Variants in PDCD11 observed in about 807,000 individuals in gnomAD.
PDCD11 encodes the protein programmed cell death 11.
In PDCD11, 97 loss-of-function variants were observed where a neutral mutation model predicts 198.9. The ratio of observed to expected loss-of-function variants is 0.49; its 90% confidence interval spans 0.41 to 0.58. The LOEUF (loss-of-function observed/expected upper bound fraction) is 0.58. Among genes scored for constraint, PDCD11 ranks in the 20% least tolerant of loss-of-function variants. PDCD11 has a pLI of 0.00. For missense variants in PDCD11, 2,102 were observed against 2,312.7 expected, an observed-to-expected ratio of 0.91 and a Z score of 1.87; for synonymous variants, 893 against 918.0, an observed-to-expected ratio of 0.97 and a Z score of 0.49.
rs765395705 is a variant in PDCD11 at position 103,439,802 on chromosome 10, C to G, written c.4082C>G (p.Pro1361Arg). The G allele has an allele frequency of 1.2e-6, 2 of 1,614,016 alleles. No homozygotes were observed. Among genetic ancestry groups the G allele is most frequent in the East Asian group, 2.2e-5 (1 of 44,888 alleles). ...TACTCCCATGTCTCCCAGCACAGCC[C>G]GTCCAAGAAAGCCCTTTATAACAAA... ...ARYSHVSQHS[P>R]SKKALYNKHL... Residue 1361 changes from proline to arginine, a missense_variant, in exon 28 of 36, where the codon CCG becomes CGG. Pro to Arg is a moderately radical substitution (Grantham distance 103). Coordinates refer to ENST00000369797, the MANE Select transcript of PDCD11 (RefSeq NM_014976.2).
At chr10:103,419,953 C>CTTTTT (rs35847749) in intron 16 of PDCD11, among the ~76,000 whole-genome samples, 8 of 97,366 alleles carry the variant, frequency 8.2e-5, no homozygotes, top group Admixed American at 1.2e-4. Context: ...ACATGCCAGG[C>CTTTTT]TTTTTTTTTT....
At chr10:103,408,012 C>T (rs866609879) in intron 7 of PDCD11, among the ~76,000 whole-genome samples, 9 of 152,286 alleles carry the variant, frequency 5.9e-5, no homozygotes, top group Middle Eastern at 6.8e-3. Flanking sequence ...AGCCACCACA[C>T]CTGGCCTACT....
chr10:103,432,715 T>G (rs575438693), intron 22 of PDCD11, among the ~76,000 whole-genome samples: 36 of 152,240 alleles, frequency 2.4e-4, no homozygotes, highest in African/African-American at 8.4e-4. Flanking sequence ...ATAATACCTC[T>G]CCATTGTTGC....
At chr10:103,396,971 A>G (rs140032913) in intron 1 of PDCD11, among the ~76,000 whole-genome samples, 176 of 152,230 alleles carry the variant, frequency 1.2e-3, no homozygotes, top group Middle Eastern at 3.4e-3. Flanking sequence ...CCTTGCTTGA[A>G]AGGAAATTAA....
chr10:103,440,052 T>C (rs1246078055), intron 28 of PDCD11, among the ~76,000 whole-genome samples, 184 bp downstream of exon 28: 2 of 152,220 alleles, frequency 1.3e-5, no homozygotes, highest in East Asian at 1.9e-4. Context: ...TGGTAACTTA[T>C]CTCTGCATAG....
chr10:103,405,409 C>CTTTT (rs11403520), intron 5 of PDCD11: 6 of 291,532 alleles, frequency 2.1e-5, no homozygotes, highest in East Asian at 7.4e-5. Flanking sequence ...GTCCAAATTT[C>CTTTT]TTTTTTTTTT....
At position 103,441,924 on chromosome 10, in the gene PDCD11, T is replaced by A; in HGVS notation, c.4656T>A (p.Pro1552=). ...GLDSLTPALP[P]LAESSDSEED... is the part of the protein sequence containing the mutation. ...ACTCTCTGACCCCGGCCTTGCCACCTCTAGCAGAGAGCTCAGACAGCGAGG... is the reference window on the plus strand; with the variant it reads ...ACTCTCTGACCCCGGCCTTGCCACCACTAGCAGAGAGCTCAGACAGCGAGG... The change falls in exon 31 of 36, where the codon CCT becomes CCA. Residue 1552 remains proline (P), a synonymous_variant. Transcript: ENST00000369797. 1 of 1,614,228 alleles carries A rather than the reference T, an allele frequency of 6.2e-7. No homozygotes were observed. Among genetic ancestry groups the A allele is most frequent in the African/African-American group, 1.3e-5 (1 of 75,052 alleles).
intron 9 of PDCD11, 40 bp downstream of exon 9, chr10:103,413,362 G>T: frequency 1.3e-6 from 2 of 1,537,082 alleles, no homozygotes; most frequent in South Asian, 1.1e-5. Context: ...TCTTATCACT[G>T]GAAGGACTTC....
intron 20 of PDCD11, 41 bp from the exon 21 acceptor site, chr10:103,427,288 C>T (rs919629472): frequency 6.4e-7 from 1 of 1,556,118 alleles, no homozygotes; most frequent in Admixed American, 1.7e-5. Flanking sequence ...TACTGTGTTA[C>T]AGAGATGAAG....
intron 16 of PDCD11, among the ~76,000 whole-genome samples, chr10:103,420,680 C>T (rs772670417): frequency 6.6e-6 from 1 of 152,132 alleles, no homozygotes; most frequent in Non-Finnish European, 1.5e-5. Flanking sequence ...ATTTGCATCC[C>T]CTGCCAGAAA....
intron 11 of PDCD11, 147 bp downstream of exon 11, chr10:103,414,477 T>C (rs2030990401): frequency 1.6e-6 from 1 of 626,770 alleles, no homozygotes; most frequent in Admixed American, 3.0e-5. Flanking sequence ...AATTTCTTTC[T>C]CTTTCTTTGG....
At chr10:103,418,350 A>G in intron 14 of PDCD11, 90 bp from the exon 15 acceptor site, 1 of 1,018,694 alleles carries the variant, frequency 9.8e-7, no homozygotes, top group Non-Finnish European at 1.5e-6. Context: ...TTGGTGCCGG[A>G]GTTTAATGCC....
rs761116065 is a variant in PDCD11, at chr10:103,427,411, C to T, written c.3368+20C>T. ...GCCAAGGTGAGGGGGACATTAGCAG[C>T]ACTGTCTTACGGAAAGAGCACTGGG... On this transcript the variant is annotated intron_variant, in intron 21 of 35. Transcript: ENST00000369797. 1 of 1,596,478 alleles carries T rather than the reference C, an allele frequency of 6.3e-7. No homozygotes were observed. The highest frequency in any genetic ancestry group is 8.6e-7 in the Non-Finnish European group (1 of 1,168,244).
chr10:103,404,968 T>C, intron 4 of PDCD11, 54 bp from the exon 5 acceptor site: 1 of 1,549,592 alleles, frequency 6.5e-7, no homozygotes, highest in Non-Finnish European at 8.8e-7. Context: ...GGGTAATGGA[T>C]TTTTGGTTCA....
At chr10:103,416,850 C>A in intron 13 of PDCD11, 108 bp downstream of exon 13, 1 of 1,246,704 alleles carries the variant, frequency 8.0e-7, no homozygotes, top group Non-Finnish European at 1.1e-6. Flanking sequence ...AGGAAGAGAG[C>A]ACATGGGGCA....
Position 103,442,194 on chromosome 10 carries a change from T to C in PDCD11, c.4708-19T>C, listed in dbSNP as rs370795955. On this transcript the variant is annotated intron_variant, in intron 31 of 35. Transcript: ENST00000369797. Reference sequence around the variant, plus strand: ...CTTGAGGAGCAGATGACTCACGGTGTTTCTGCTTTCCATAGCAGATAAAGA... The same window carrying C: ...CTTGAGGAGCAGATGACTCACGGTGCTTCTGCTTTCCATAGCAGATAAAGA... The C allele has an allele frequency of 6.8e-6, 11 of 1,612,518 alleles. No individual in the cohort carries two copies. The African/African-American group carries it at 1.3e-4, about 20-fold the overall frequency.
chr10:103,421,138 T>C (rs2031398347), intron 16 of PDCD11, among the ~76,000 whole-genome samples: 1 of 152,160 alleles, frequency 6.6e-6, no homozygotes, highest in Non-Finnish European at 1.5e-5. Context: ...CCTCCCGAAG[T>C]GCTGGGATTA....
chr10:103,402,889 A>G (rs1400323069), intron 3 of PDCD11, among the ~76,000 whole-genome samples: 2 of 151,644 alleles, frequency 1.3e-5, no homozygotes, highest in African/African-American at 4.8e-5. Context: ...GTGTACCACT[A>G]TGCCTGGCTA....
intron 13 of PDCD11, among the ~76,000 whole-genome samples, chr10:103,417,145 A>C (rs1212562705): frequency 1.3e-5 from 2 of 152,004 alleles, no homozygotes; most frequent in Non-Finnish European, 2.9e-5. Flanking sequence ...GTACATATTT[A>C]TGGGGTACAA....
Sources: allele counts gnomAD v4.1 joint callset (sites outside exome capture counted in the v4.1 genomes callset), GRCh38; gene constraint gnomAD v4.1.1; transcripts MANE v1.5; gene names NCBI Gene and HGNC (gene_info 2026-07-23, HGNC 2026-07-21).